ZNF717: variants seen among roughly 807,000 people sequenced by gnomAD.
ZNF717 encodes krueppel-like factor X17.
In ZNF717, 9 loss-of-function variants were observed where a neutral mutation model predicts 13.8. The ratio of observed to expected loss-of-function variants is 0.65; its 90% CI spans 0.39 to 1.14. ZNF717 has a LOEUF of 1.14. Among genes scored for constraint, ZNF717 ranks in the 50% most tolerant of loss-of-function variants. The pLI is 0.01. For synonymous variants in ZNF717, 327 were observed against 364.1 expected (o/e 0.90, Z 1.16); for missense variants, 1,040 against 1,080.7 (o/e 0.96, Z 0.53).
chr3:75,715,013 T>C (rs539058126), intron 5 of ZNF717, among the ~76,000 whole-genome samples: 1,568 of 152,314 alleles, frequency 0.01, 40 homozygotes, highest in Admixed American at 0.057. Flanking sequence ...AGTAAAATAA[T>C]CCACCAGTTT....
downstream of ZNF717, among the ~76,000 whole-genome samples, chr3:75,728,872 T>C (rs1938359402): frequency 6.6e-6 from 1 of 152,224 alleles, no homozygotes; most frequent in South Asian, 2.1e-4. Flanking sequence ...ATACATAACA[T>C]AGACAAACAG....
intron 2 of ZNF717, among the ~76,000 whole-genome samples, chr3:75,760,689 C>T (rs1942927502): frequency 6.6e-6 from 1 of 151,792 alleles, no homozygotes; most frequent in Non-Finnish European, 1.5e-5. Flanking sequence ...AAGCTTATAG[C>T]TGCAGGTGCT....
chr3:75,745,167 T>C (rs73117257), intron 2 of ZNF717, among the ~76,000 whole-genome samples: 64 of 151,402 alleles, frequency 4.2e-4, no homozygotes, highest in East Asian at 7.8e-4. Flanking sequence ...TTTTTTTTTT[T>C]CTTTCTGTCT....
chr3:75,733,121 A>G (rs1233906647), downstream of ZNF717, among the ~76,000 whole-genome samples: 1 of 152,218 alleles, frequency 6.6e-6, no homozygotes, highest in Non-Finnish European at 1.5e-5. Context: ...AGTAGATTGA[A>G]CACAACAAAG....
At chr3:75,745,873 A>T (rs1255070987) in intron 2 of ZNF717, among the ~76,000 whole-genome samples, 18 of 150,696 alleles carry the variant, frequency 1.2e-4, no homozygotes, top group Admixed American at 1.2e-3. Flanking sequence ...TGAATTATTT[A>T]TATATATTTT....
chr3:75,750,849 G>T (rs1459702807), intron 2 of ZNF717, among the ~76,000 whole-genome samples: 3 of 151,306 alleles, frequency 2.0e-5, no homozygotes, highest in African/African-American at 2.4e-5. Flanking sequence ...CCTCACATAG[G>T]ATTCCAGAAG....
Position 75,739,100 on chromosome 3 carries a change from G to A in ZNF717, c.523C>T (p.Gln175Ter), listed in dbSNP as rs1939982061. Residue 175 changes from glutamine to a stop codon, truncating the protein, a stop_gained, in exon 5 of 5, where the codon CAG becomes TAG. Coordinates refer to ENST00000652011, the MANE Select transcript of ZNF717 (RefSeq NM_001290208.3). LOFTEE classifies it low-confidence loss of function (END_TRUNC). The stretch of plus-strand genomic sequence containing the variant: ...CAGACATGAGGTTTCTCTCCAGACT[G>A]TGTCTCCCCAGGCTTAATAGGGAAA... Reference protein sequence around the residue: ...MLFPIKPGETQSGEKPHVCDI... With the variant: ...MLFPIKPGET 6.4e-7 allele frequency: 1 copy of A among 1,551,400 alleles called. No homozygotes were observed. Among genetic ancestry groups the A allele is most frequent in the Admixed American group, 2.0e-5 (1 of 50,968 alleles).
At chr3:75,734,813 A>ATTTTTTTTTTTTTTTTTTTTTT (rs1196032873), downstream of ZNF717, among the ~76,000 whole-genome samples, 1 of 60,080 alleles carries the variant, frequency 1.7e-5, no homozygotes, top group African/African-American at 9.0e-5. Context: ...ATATATATAT[A>ATTTTTTTTTTTTTTTTTTTTTT]TATATTTTTT....
In ZNF717 at chr3:75,750,791, C is replaced by T. The variant is rs1425755648; in HGVS notation, c.58-9055G>A. ...TCCCCTCCTGTGGTCTGAATTTCTCCCTCACATAGGATTCCAGAACAATGC... is the reference window on the plus strand; with the variant it reads ...TCCCCTCCTGTGGTCTGAATTTCTCTCTCACATAGGATTCCAGAACAATGC... On this transcript the variant is annotated intron_variant, in intron 2 of 4. Coordinates refer to ENST00000652011, the MANE Select transcript of ZNF717 (RefSeq NM_001290208.3). 2.7e-4 allele frequency among the ~76,000 whole-genome samples: 41 copies of T among 149,274 alleles called. 2 individuals carry two copies. Among genetic ancestry groups the T allele is most frequent in the African/African-American group, 1.0e-3 (41 of 40,418 alleles).
chr3:75,777,082 TTGCA>T (rs1197983747), intron 2 of ZNF717, among the ~76,000 whole-genome samples: 1 of 152,252 alleles, frequency 6.6e-6, no homozygotes, highest in Non-Finnish European at 1.5e-5. Context: ...TTTTAAGAGT[TTGCA>T]TGCAGCCATC....
At chr3:75,713,923 C>T (rs1260185733) in intron 5 of ZNF717, among the ~76,000 whole-genome samples, 1 of 152,080 alleles carries the variant, frequency 6.6e-6, no homozygotes. Context: ...GGTCATGTGT[C>T]CACTGGATGG....
chr3:75,756,719 A>G (rs1942520445), intron 2 of ZNF717, among the ~76,000 whole-genome samples: 1 of 152,132 alleles, frequency 6.6e-6, no homozygotes, highest in Admixed American at 6.5e-5. Context: ...TTCTTGCCCA[A>G]GCTAGAGTGC....
chr3:75,727,130 G>C (rs368777040), downstream of ZNF717, among the ~76,000 whole-genome samples: 271 of 152,378 alleles, frequency 1.8e-3, no homozygotes, highest in African/African-American at 5.9e-3. Context: ...TCTTATGCCT[G>C]TCTTACTTTA....
In ZNF717 at chr3:75,737,371, G is replaced by C; in HGVS notation, c.2252C>G (p.Thr751Ser). 6.4e-7 allele frequency: 1 copy of C among 1,552,736 alleles called. No individual in the cohort carries two copies. The highest frequency in any genetic ancestry group is 1.4e-5 in the African/African-American group (1 of 73,168). The part of the protein sequence containing the change: ...QKSVLTVHHR[T>S]HTGEKPYECN... ...TTCATAAGGTTTTTCTCCGGTATGG[G>C]TTCTATGATGTACAGTGAGGACTGA... Residue 751 changes from threonine to serine, a missense_variant, in exon 5 of 5, where the codon ACC becomes AGC. By Grantham distance (58) the Thr-to-Ser change is moderately conservative (BLOSUM62 1). Coordinates refer to ENST00000652011, the MANE Select transcript of ZNF717 (RefSeq NM_001290208.3).
At chr3:75,747,663 C>T (rs1313045449) in intron 2 of ZNF717, among the ~76,000 whole-genome samples, 13 of 152,032 alleles carry the variant, frequency 8.6e-5, no homozygotes, top group Non-Finnish European at 4.4e-5. Flanking sequence ...TCTCTGTTTC[C>T]CTGTTATTGG....
chr3:75,735,994 ATC>A lies in ZNF717; in HGVS notation c.*882_*883del, dbSNP rs1244284229. The A allele has an allele frequency of 6.6e-6, 1 of 152,128 alleles. No homozygotes were observed. Among genetic ancestry groups the A allele is most frequent in the Non-Finnish European group, 1.5e-5 (1 of 68,020 alleles). 9.4% of individuals were successfully genotyped at this position (152,128 alleles called of 1,614,324 possible). A position where few individuals can be genotyped will look rare whatever the true frequency, so the allele number is the denominator to read the frequency against. ...TTCCAACACCATGGGCTCACTTCAC[ATC>A]TCTGTCACATCTTTTGGCAATCCCA... On this transcript the variant is annotated 3_prime_UTR_variant, in exon 5 of 5. Transcript: ENST00000652011.
intron 2 of ZNF717, among the ~76,000 whole-genome samples, chr3:75,758,166 C>T (rs569225053): frequency 4.7e-5 from 7 of 149,468 alleles, no homozygotes; most frequent in Admixed American, 2.0e-4. Context: ...AAGATTATTC[C>T]AACCCTCACA....
At chr3:75,759,881 A>G (rs1034485786) in intron 2 of ZNF717, among the ~76,000 whole-genome samples, 1 of 151,968 alleles carries the variant, frequency 6.6e-6, no homozygotes, top group Non-Finnish European at 1.5e-5. Context: ...TTTTAAATAT[A>G]TATAATTAAA....
At chr3:75,759,968 A>T (rs1942836204) in intron 2 of ZNF717, among the ~76,000 whole-genome samples, 1 of 152,240 alleles carries the variant, frequency 6.6e-6, no homozygotes, top group Admixed American at 6.5e-5. Context: ...TTGCTGTGTC[A>T]ATACACTTAG....
Sources: allele counts gnomAD v4.1 joint callset (sites outside exome capture counted in the v4.1 genomes callset), GRCh38; gene constraint gnomAD v4.1.1; transcripts MANE v1.5; gene names NCBI Gene and HGNC (gene_info 2026-07-23, HGNC 2026-07-21).